The following TLCD4 variants were observed in gnomAD, a reference collection of about 807,000 sequenced individuals.
TLCD4 encodes the protein TLC domain-containing protein 4.
In TLCD4, 7 loss-of-function variants were observed where a neutral mutation model predicts 24.2. That is an observed-to-expected ratio of 0.29 (90% confidence interval 0.16 to 0.54). The LOEUF is 0.54. TLCD4 is among the 20% of genes least tolerant of loss of function. The pLI is 0.95. For missense variants in TLCD4, 259 were observed against 313.9 expected (o/e 0.82, Z 1.32); for synonymous variants, 103 against 106.4 (o/e 0.97, Z 0.20).
At chr1:95,178,955 T>C (rs1678544068) in intron 6 of TLCD4, among the ~76,000 whole-genome samples, 1 of 152,130 alleles carries the variant, frequency 6.6e-6, no homozygotes, top group African/African-American at 2.4e-5. Flanking sequence ...TGTTTTTGAC[T>C]ATTTCTCCCT....
intron 1 of TLCD4, among the ~76,000 whole-genome samples, chr1:95,134,253 C>T (rs1676986401): frequency 6.6e-6 from 1 of 152,072 alleles, no homozygotes; most frequent in Admixed American, 6.5e-5. Flanking sequence ...TTGACGACAT[C>T]AGTGAGCCAG....
At chr1:95,120,809 A>G (rs973841129) in intron 1 of TLCD4, among the ~76,000 whole-genome samples, 6 of 152,174 alleles carry the variant, frequency 3.9e-5, no homozygotes, top group Non-Finnish European at 8.8e-5. Context: ...ACTAGTTTCT[A>G]TTTCTATTGA....
At chr1:95,104,463 G>T in the TLCD4 span, among the ~76,000 whole-genome samples, 1 of 151,714 alleles carries the variant, frequency 6.6e-6, no homozygotes, top group East Asian at 2.0e-4. Flanking sequence ...AGGAGATCGA[G>T]ACCATGCTGG....
chr1:95,172,283 C>G (rs1369878703), intron 5 of TLCD4, among the ~76,000 whole-genome samples: 2 of 152,182 alleles, frequency 1.3e-5, no homozygotes, highest in Non-Finnish European at 1.5e-5. Context: ...ATAAGACAGG[C>G]AAGCACATCT....
intron 1 of TLCD4, among the ~76,000 whole-genome samples, chr1:95,137,945 C>G (rs1312397866): frequency 6.6e-6 from 1 of 152,022 alleles, no homozygotes; most frequent in African/African-American, 2.4e-5. Context: ...TTAATGTTGT[C>G]CAGGCTGGTC....
Position 95,148,622 on chromosome 1 carries a change from C to T in TLCD4, c.156-80C>T, listed in dbSNP as rs1677411014. The T allele has an allele frequency of 3.8e-6, 6 of 1,579,118 alleles. No individual in the cohort carries two copies. In the South Asian group the frequency reaches 4.6e-5, roughly 12 times the overall value. On this transcript the variant is annotated intron_variant, in intron 2 of 6. Transcript: ENST00000370203. ...TAAATGCTTCCAGGTATAACTTGTT[C>T]AGAATGTTCTGTGTCTTGTCAGGAT...
chr1:95,115,848 C>G (rs899489362), upstream of TLCD4, among the ~76,000 whole-genome samples: 4 of 152,168 alleles, frequency 2.6e-5, no homozygotes, highest in African/African-American at 9.7e-5. Context: ...GATACAGACT[C>G]TTGAGAGGAC....
At chr1:95,166,632 G>T in intron 5 of TLCD4, among the ~76,000 whole-genome samples, 1 of 152,166 alleles carries the variant, frequency 6.6e-6, no homozygotes, top group South Asian at 2.1e-4. Context: ...AGACCTGTGT[G>T]GTCACCCTTG....
At chr1:95,154,552 T>A (rs1358902112) in intron 5 of TLCD4, among the ~76,000 whole-genome samples, 1 of 152,068 alleles carries the variant, frequency 6.6e-6, no homozygotes, top group African/African-American at 2.4e-5. Flanking sequence ...TGGCCCTTGA[T>A]GTCCCAGACC....
intron 1 of TLCD4, chr1:95,117,839 A>T (rs2100894565): frequency 6.6e-6 from 1 of 151,094 alleles, no homozygotes; most frequent in Admixed American, 6.6e-5. Flanking sequence ...TGTGTGCGGA[A>T]GGCTCAGCAT....
At chr1:95,122,393 G>A (rs1285916440) in intron 1 of TLCD4, among the ~76,000 whole-genome samples, 1 of 152,104 alleles carries the variant, frequency 6.6e-6, no homozygotes, top group Non-Finnish European at 1.5e-5. Flanking sequence ...AAAGTACACG[G>A]GTATCAGAGT....
At chr1:95,117,844 C>G (rs545715050) in intron 1 of TLCD4, 1 of 151,316 alleles carries the variant, frequency 6.6e-6, no homozygotes, top group Non-Finnish European at 1.5e-5. Flanking sequence ...GCGGAAGGCT[C>G]AGCATCGTCC....
chr1:95,165,102 T>C (rs10874906), intron 5 of TLCD4: 10,940 of 152,330 alleles, frequency 0.072, 534 homozygotes, highest in East Asian at 0.2. Context: ...CTCCCTGTCA[T>C]TCCAATCTTG....
chr1:95,143,705 A>G (rs1185061712), intron 1 of TLCD4, among the ~76,000 whole-genome samples, 186 bp from the exon 2 acceptor site: 1 of 152,204 alleles, frequency 6.6e-6, no homozygotes, highest in African/African-American at 2.4e-5. Context: ...GACATAAGAT[A>G]CATGACAAAT....
In TLCD4 at chr1:95,143,879, T is replaced by G. The variant is rs1571740830; in HGVS notation, c.-11-12T>G. 3.7e-6 allele frequency: 5 copies of G among 1,361,980 alleles called. No individual in the cohort carries two copies. Among genetic ancestry groups the G allele is most frequent in the Non-Finnish European group, 3.8e-6 (4 of 1,047,656 alleles). 84.4% of individuals were successfully genotyped at this position (1,361,980 alleles called of 1,614,324 possible). ...TGAGACAACAATTTATAGCTGTCAT[T>G]TATCTTAACAGGTTGAAGAAATATG... On this transcript the variant is annotated splice_polypyrimidine_tract_variant and intron_variant, in intron 1 of 6. Coordinates refer to ENST00000370203, the MANE Select transcript of TLCD4 (RefSeq NM_152487.3).
At chr1:95,127,084 C>T (rs1023911081) in intron 1 of TLCD4, among the ~76,000 whole-genome samples, 2 of 152,192 alleles carry the variant, frequency 1.3e-5, no homozygotes, top group African/African-American at 4.8e-5. Flanking sequence ...ATTCTCATCC[C>T]CATTTTAAAG....
chr1:95,116,766 G>A (rs1263869249), upstream of TLCD4, among the ~76,000 whole-genome samples: 13 of 152,204 alleles, frequency 8.5e-5, no homozygotes, highest in Non-Finnish European at 1.9e-4. Context: ...CGACAACAGA[G>A]GGGTTCCGGG....
chr1:95,111,137 A>T, the TLCD4 span, among the ~76,000 whole-genome samples: 1 of 33,718 alleles, frequency 3.0e-5, no homozygotes, highest in African/African-American at 7.0e-5. Flanking sequence ...ATAAAATAAA[A>T]AAAAAAAAAG....
the TLCD4 span, among the ~76,000 whole-genome samples, chr1:95,105,267 T>A: frequency 6.6e-6 from 1 of 152,202 alleles, no homozygotes; most frequent in Non-Finnish European, 1.5e-5. Flanking sequence ...ATTGTTAAGC[T>A]GGACTATTTT....
Sources: gnomAD v4.1 joint callset for allele counts (sites outside exome capture counted in the v4.1 genomes callset) on GRCh38, gnomAD v4.1.1 for gene constraint, MANE v1.5 for transcripts, NCBI Gene and HGNC (gene_info 2026-07-23, HGNC 2026-07-21) for gene names.